The following CDC7 variants were observed in gnomAD, a reference collection of about 807,000 sequenced individuals.
CDC7 encodes cell division cycle 7-related protein kinase.
Under a neutral mutation model 53.5 loss-of-function variants are expected in CDC7, and 34 were observed. The observed-to-expected ratio is 0.64, with a 90% CI of 0.48 to 0.85. The LOEUF (loss-of-function observed/expected upper bound fraction) is 0.85, where lower values mean the gene tolerates loss of function less well. Among genes scored for constraint, CDC7 ranks in the 40% least tolerant of loss-of-function variants. CDC7 has a pLI of 0.00. For missense variants in CDC7, 594 were observed against 679.7 expected, an observed-to-expected ratio of 0.87 and a Z score of 1.40; for synonymous variants, 211 against 222.8, an observed-to-expected ratio of 0.95 and a Z score of 0.47.
intron 7 of CDC7, 98 bp downstream of exon 7, chr1:91,513,405 T>G: frequency 9.3e-7 from 1 of 1,079,412 alleles, no homozygotes; most frequent in African/African-American, 1.7e-5. Flanking sequence ...TACTTATAAT[T>G]TAAAAAACTT....
intron 10 of CDC7, 87 bp from the exon 11 acceptor site, chr1:91,520,043 A>G: frequency 9.4e-7 from 1 of 1,059,628 alleles, no homozygotes; most frequent in Non-Finnish European, 1.3e-6. Flanking sequence ...AGGTGATTCT[A>G]ATGCATAATA....
chr1:91,504,606 G>C (rs1477296797), intron 2 of CDC7, among the ~76,000 whole-genome samples: 6 of 152,122 alleles, frequency 3.9e-5, no homozygotes, highest in Non-Finnish European at 7.4e-5. Context: ...AATGGGCTAT[G>C]GGTACCATCT....
rs1437052024 is a variant in CDC7 at position 91,515,871 on chromosome 1, C to T, written c.1175C>T (p.Thr392Ile). 6.2e-7 allele frequency: 1 copy of T among 1,612,602 alleles called. No individual in the cohort carries two copies. The highest frequency in any genetic ancestry group is 1.7e-5 in the Admixed American group (1 of 59,992). ...GTCTTGACAAAGTGCCCCAATCAAA[C>T]TACAGGTATGTTGTACTGGAAATAC... ...PEVLTKCPNQ[T>I]TAIDMWSAGV... Residue 392 changes from threonine to isoleucine, a missense_variant, in exon 10 of 12, where the codon ACT (threonine) becomes ATT (isoleucine). By Grantham distance (89) the Thr-to-Ile change is moderately conservative. Coordinates refer to ENST00000234626, the MANE Select transcript of CDC7 (RefSeq NM_003503.4).
chr1:91,508,956 C>T (rs1667125824), intron 4 of CDC7, among the ~76,000 whole-genome samples: 1 of 152,124 alleles, frequency 6.6e-6, no homozygotes, highest in South Asian at 2.1e-4. Flanking sequence ...TCACTAAATA[C>T]CTATTGCGGC....
chr1:91,520,897 C>T (rs1267499954), intron 11 of CDC7, among the ~76,000 whole-genome samples: 1 of 152,172 alleles, frequency 6.6e-6, no homozygotes, highest in East Asian at 1.9e-4. Flanking sequence ...CTTAGCCACG[C>T]AAGTTCTTCA....
chr1:91,507,869 T>A lies in CDC7; in HGVS notation c.131T>A (p.Ile44Asn), dbSNP rs769338114. The stretch of plus-strand genomic sequence containing the variant: ...TCCTTGAAAGGTGTTAAAAAAGATA[T>A]TGAGAAGCTTTATGAAGCTGTACCA... ...NFKLAGVKKD[I>N]EKLYEAVPQL... The change falls in exon 3 of 12, where the codon ATT (isoleucine) becomes AAT (asparagine). Residue 44 changes from isoleucine to asparagine, a missense_variant. By Grantham distance (149) the Ile-to-Asn change is moderately radical (BLOSUM62 -3). Transcript: ENST00000234626. The A allele has an allele frequency of 2.1e-6, 3 of 1,406,008 alleles. No individual in the cohort carries two copies. In the East Asian group the frequency reaches 7.2e-5, roughly 34 times the overall value. The allele number at this position is 1,406,008 out of a possible 1,614,324, so 87.1% of individuals were successfully genotyped here.
In CDC7 at chr1:91,501,687, G is replaced by A. The variant is rs1241531449; in HGVS notation, c.-30G>A. 6.6e-7 allele frequency: 1 copy of A among 1,520,800 alleles called. No individual in the cohort carries two copies. The highest frequency in any genetic ancestry group is 1.1e-5 in the South Asian group (1 of 89,114). 94.2% of individuals were successfully genotyped at this position (1,520,800 alleles called of 1,614,324 possible). ...CTCCCCCTGTGGATGTAACCCCTTA[G>A]CTGGCATTTTGCATCTCAATTGGCT... On this transcript the variant is annotated 5_prime_UTR_variant, in exon 2 of 12. Coordinates refer to ENST00000234626, the MANE Select transcript of CDC7 (RefSeq NM_003503.4).
rs1329275098 is a variant in CDC7, at chr1:91,508,244, TAATA to T, written c.200-14_200-11del. On this transcript the variant is annotated splice_polypyrimidine_tract_variant and intron_variant, in intron 3 of 11. Coordinates refer to ENST00000234626, the MANE Select transcript of CDC7 (RefSeq NM_003503.4). ...TTTAAAAACCAGATATTGAAAAATT[TAATA>T]AATTGTTTTACAGGCACTTTCAGCT... The T allele has an allele frequency of 6.4e-7, 1 of 1,565,356 alleles. No individual in the cohort carries two copies. The highest frequency in any genetic ancestry group is 2.3e-5 in the East Asian group (1 of 44,188).
At chr1:91,507,565 G>T (rs145322094) in intron 2 of CDC7, among the ~76,000 whole-genome samples, 1 of 151,910 alleles carries the variant, frequency 6.6e-6, no homozygotes, top group African/African-American at 2.4e-5. Flanking sequence ...AAAATTTGGT[G>T]CTTTTTCATG....
chr1:91,507,822 A>G (rs1667071353), intron 2 of CDC7, 32 bp from the exon 3 acceptor site: 4 of 1,223,844 alleles, frequency 3.3e-6, no homozygotes, highest in Non-Finnish European at 4.7e-6. Context: ...ACTGTCATTG[A>G]TTAAAACTCT....
chr1:91,519,419 AC>A (rs751499298), intron 10 of CDC7, among the ~76,000 whole-genome samples: 1 of 152,080 alleles, frequency 6.6e-6, no homozygotes, highest in Non-Finnish European at 1.5e-5. Flanking sequence ...ACAGAGGGAG[AC>A]CTTGTCTCAA....
chr1:91,503,507 A>G (rs1182608213), intron 2 of CDC7, among the ~76,000 whole-genome samples: 1 of 152,220 alleles, frequency 6.6e-6, no homozygotes, highest in Non-Finnish European at 1.5e-5. Flanking sequence ...TGGATGTTTT[A>G]TATATCTTAG....
Position 91,521,885 on chromosome 1 carries a change from G to A in CDC7, c.1330+1606G>A, listed in dbSNP as rs139785626. Among the ~76,000 whole-genome samples, 358 of 152,078 alleles carry A rather than the reference G, an allele frequency of 2.4e-3. 2 individuals are homozygous for A. Among genetic ancestry groups the A allele is most frequent in the African/African-American group, 7.9e-3 (327 of 41,478 alleles). ...ACTTCTCATATTAAAAAAAAAATAG[G>A]GCCAGCCGTGGTGACTCACACCTGT... is the stretch of plus-strand genomic sequence containing the variant. On this transcript the variant is annotated intron_variant, in intron 11 of 11. Transcript: ENST00000234626.
chr1:91,503,771 ATTCC>A (rs1408819335), intron 2 of CDC7, among the ~76,000 whole-genome samples: 1 of 152,122 alleles, frequency 6.6e-6, no homozygotes, highest in East Asian at 1.9e-4. Flanking sequence ...ATTTTGTTAT[ATTCC>A]TTTAGCCTTT....
chr1:91,508,218 T>A (rs559655255), intron 3 of CDC7, 44 bp from the exon 4 acceptor site: 2 of 1,512,948 alleles, frequency 1.3e-6, no homozygotes, highest in Middle Eastern at 1.7e-4. Flanking sequence ...TCATTAACAT[T>A]TTTAAAAACC....
At position 91,524,289 on chromosome 1, in the gene CDC7, G is replaced by C. The variant is rs1668148354; in HGVS notation, c.1579G>C (p.Glu527Gln). 1 of 1,613,968 alleles carries C rather than the reference G, an allele frequency of 6.2e-7. No homozygotes were observed. Among genetic ancestry groups the C allele is most frequent in the Admixed American group, 1.7e-5 (1 of 60,002 alleles). ...TAATAGCTGTGAGCATTGTTTTGAT[G>C]AGTATAATACCAATTTAGAAGGCTG... ...DSNSCEHCFDEYNTNLEGWNE... is the reference protein window; with the variant it reads ...DSNSCEHCFDQYNTNLEGWNE... The change falls in exon 12 of 12, where the codon GAG becomes CAG. Residue 527 changes from glutamate (E) to glutamine (Q), a missense_variant. Coordinates refer to ENST00000234626, the MANE Select transcript of CDC7 (RefSeq NM_003503.4).
At position 91,513,317 on chromosome 1, in the gene CDC7, CT is replaced by C; in HGVS notation, c.822+14del. ...AGGAAAAGACGGAAAGGTTCTATCT[CT>C]TTTATTTCTTAAGTACCGACACTGT... On this transcript the variant is annotated intron_variant, in intron 7 of 11. Transcript: ENST00000234626. 1 of 1,608,106 alleles carries C rather than the reference CT, an allele frequency of 6.2e-7. No individual in the cohort carries two copies. The highest frequency in any genetic ancestry group is 8.5e-7 in the Non-Finnish European group (1 of 1,176,080).
At chr1:91,518,329 C>T (rs981529843) in intron 10 of CDC7, among the ~76,000 whole-genome samples, 2 of 151,930 alleles carry the variant, frequency 1.3e-5, no homozygotes, top group Non-Finnish European at 2.9e-5. Flanking sequence ...ACAATTTGGA[C>T]GTTCCTCAAA....
intron 6 of CDC7, among the ~76,000 whole-genome samples, chr1:91,512,793 G>A (rs1473475206): frequency 1.3e-5 from 2 of 152,008 alleles, no homozygotes; most frequent in African/African-American, 2.4e-5. Context: ...TTTATGTTAT[G>A]TATTCCTCTT....
Sources: allele counts gnomAD v4.1 joint callset (sites outside exome capture counted in the v4.1 genomes callset), GRCh38; gene constraint gnomAD v4.1.1; transcripts MANE v1.5; gene names NCBI Gene and HGNC (gene_info 2026-07-23, HGNC 2026-07-21).